Variants in OSBP observed in about 807,000 individuals in gnomAD.
OSBP encodes the protein oxysterol-binding protein 1.
OSBP carries 32 observed loss-of-function variants against 96.6 expected under a neutral mutation model. The ratio of observed to expected loss-of-function variants is 0.33; its 90% CI spans 0.25 to 0.45. OSBP has a LOEUF of 0.45. OSBP is among the 20% of genes least tolerant of loss of function. The pLI, the probability that OSBP is intolerant of heterozygous loss-of-function variation, is 1.00. For synonymous variants in OSBP, 369 were observed against 389.6 expected, an observed-to-expected ratio of 0.95 and a Z score of 0.62; for missense variants, 653 against 1,029.7, an observed-to-expected ratio of 0.63 and a Z score of 5.01.
At chr11:59,584,601 A>C (rs1860470674) in intron 9 of OSBP, among the ~76,000 whole-genome samples, 1 of 152,222 alleles carries the variant, frequency 6.6e-6, no homozygotes, top group Non-Finnish European at 1.5e-5. Flanking sequence ...TCCTTTCAGA[A>C]TGAAAACACT....
chr11:59,583,202 C>T (rs1860443732), intron 9 of OSBP, among the ~76,000 whole-genome samples: 2 of 152,058 alleles, frequency 1.3e-5, no homozygotes, highest in Non-Finnish European at 2.9e-5. Context: ...ATCCCAGCTA[C>T]TCGGGAGGCT....
At chr11:59,595,265 T>G (rs1860633915) in intron 7 of OSBP, 1 of 152,514 alleles carries the variant, frequency 6.6e-6, no homozygotes, top group Admixed American at 6.5e-5. Flanking sequence ...ATTAACAATA[T>G]AGATGAACAA....
At chr11:59,610,768 C>T (rs554201956) in intron 1 of OSBP, among the ~76,000 whole-genome samples, 179 bp from the exon 2 acceptor site, 8 of 151,672 alleles carry the variant, frequency 5.3e-5, no homozygotes, top group Non-Finnish European at 1.0e-4. Flanking sequence ...GATTTCCCTT[C>T]AGAGCCTATA....
At chr11:59,602,288 C>T (rs1470119762) in intron 3 of OSBP, among the ~76,000 whole-genome samples, 1 of 152,182 alleles carries the variant, frequency 6.6e-6, no homozygotes, top group East Asian at 1.9e-4. Context: ...AGAATCCACA[C>T]TGAGGTAGAC....
chr11:59,611,549 A>G (rs1318854892), intron 1 of OSBP, among the ~76,000 whole-genome samples: 1 of 152,226 alleles, frequency 6.6e-6, no homozygotes, highest in African/African-American at 2.4e-5. Context: ...TTAAATGTTT[A>G]GAGTATTAAA....
chr11:59,608,978 C>G (rs1860814790), intron 2 of OSBP, among the ~76,000 whole-genome samples: 1 of 152,206 alleles, frequency 6.6e-6, no homozygotes, highest in Non-Finnish European at 1.5e-5. Context: ...TTCAATTTAG[C>G]TGGTGTGAGG....
intron 7 of OSBP, among the ~76,000 whole-genome samples, chr11:59,599,939 T>C (rs1333173655): frequency 6.6e-6 from 1 of 152,192 alleles, no homozygotes; most frequent in Non-Finnish European, 1.5e-5. Context: ...AGCTGAGGAC[T>C]GACATGACTA....
intron 10 of OSBP, among the ~76,000 whole-genome samples, 163 bp downstream of exon 10, chr11:59,581,288 G>C (rs1284020357): frequency 1.3e-5 from 2 of 152,212 alleles, no homozygotes; most frequent in Non-Finnish European, 2.9e-5. Flanking sequence ...AGAAAACTTA[G>C]AGAGTTAGAG....
chr11:59,595,110 G>A (rs1255551191), intron 7 of OSBP: 1 of 154,324 alleles, frequency 6.5e-6, no homozygotes, highest in Non-Finnish European at 1.5e-5. Flanking sequence ...GGTAGGGAGT[G>A]AGAAACATTG....
At chr11:59,595,687 C>CCG (rs1860640926) in intron 7 of OSBP, among the ~76,000 whole-genome samples, 1 of 151,974 alleles carries the variant, frequency 6.6e-6, no homozygotes, top group African/African-American at 2.4e-5. Flanking sequence ...TGCTTACAAT[C>CCG]CTAGCACTTT....
At chr11:59,584,593 C>T (rs1841594235) in intron 9 of OSBP, among the ~76,000 whole-genome samples, 2 of 152,142 alleles carry the variant, frequency 1.3e-5, no homozygotes, top group Non-Finnish European at 2.9e-5. Context: ...ATTCAACATC[C>T]TTTCAGAATG....
At chr11:59,592,404 G>A (rs1860596297) in intron 9 of OSBP, among the ~76,000 whole-genome samples, 1 of 152,146 alleles carries the variant, frequency 6.6e-6, no homozygotes, top group Non-Finnish European at 1.5e-5. Context: ...GTGTTTCTGA[G>A]CAAAGGTGAA....
At chr11:59,596,292 T>G (rs1860654371) in intron 7 of OSBP, among the ~76,000 whole-genome samples, 1 of 152,180 alleles carries the variant, frequency 6.6e-6, no homozygotes, top group African/African-American at 2.4e-5. Context: ...TGGCAGAATT[T>G]AGACAATACG....
In OSBP at chr11:59,585,370, G is replaced by A. The variant is rs1323842694; in HGVS notation, c.1679-3816C>T. On this transcript the variant is annotated intron_variant, in intron 9 of 13. Transcript: ENST00000263847. ...AGGAGCGTCTCTGCCCGGCCGCCCC[G>A]TCTGAGAAGTGAGGAGACCTCGCCC... Among the ~76,000 whole-genome samples the A allele has an allele frequency of 1.3e-3, 57 of 45,186 alleles. 1 individual carries two copies. The highest frequency in any genetic ancestry group is 4.2e-3 in the African/African-American group (43 of 10,162). The allele number at this position is 45,186 out of a possible 152,430, so 29.6% of individuals were successfully genotyped here.
At chr11:59,586,738 C>T (rs1456774212) in intron 9 of OSBP, among the ~76,000 whole-genome samples, 1 of 152,162 alleles carries the variant, frequency 6.6e-6, no homozygotes, top group Non-Finnish European at 1.5e-5. Context: ...ATAAACCCTT[C>T]ATATATGGTC....
chr11:59,585,871 C>T (rs1860493812), intron 9 of OSBP, among the ~76,000 whole-genome samples: 1 of 152,158 alleles, frequency 6.6e-6, no homozygotes, highest in Admixed American at 6.5e-5. Context: ...ACCTTACCCC[C>T]AACCCTGTGC....
At chr11:59,611,583 T>C (rs1425500496) in intron 1 of OSBP, among the ~76,000 whole-genome samples, 1 of 152,192 alleles carries the variant, frequency 6.6e-6, no homozygotes, top group Non-Finnish European at 1.5e-5. Flanking sequence ...TCAAATGATA[T>C]GAAATAAGAA....
In OSBP at chr11:59,589,469, C is replaced by T. The variant is rs551258688; in HGVS notation, c.1678+4135G>A. Among the ~76,000 whole-genome samples, 15 of 151,654 alleles carry T rather than the reference C, an allele frequency of 9.9e-5. 1 individual carries two copies. The East Asian group carries it at 2.8e-3, about 28-fold the overall frequency. ...TATAAAAATTAGCTGGGTGTGGTGG[C>T]GGGCACCTGTAATCCCACCTACTTG... On this transcript the variant is annotated intron_variant, in intron 9 of 13. Transcript: ENST00000263847.
chr11:59,611,144 A>AAG (rs1366911545), intron 1 of OSBP, among the ~76,000 whole-genome samples: 1 of 151,546 alleles, frequency 6.6e-6, no homozygotes, highest in African/African-American at 2.4e-5. Flanking sequence ...TCAAAAAAAA[A>AAG]AAAAAAAAAG....
Sources: gnomAD v4.1 joint callset for allele counts (sites outside exome capture counted in the v4.1 genomes callset) on GRCh38, gnomAD v4.1.1 for gene constraint, MANE v1.5 for transcripts, NCBI Gene and HGNC (gene_info 2026-07-23, HGNC 2026-07-21) for gene names.